The following STPG2 variants were observed in gnomAD, a reference collection of about 807,000 sequenced individuals.
The protein encoded by STPG2 is sperm tail PG-rich repeat containing 2.
In STPG2, 56 loss-of-function variants were observed where a neutral mutation model predicts 54.2. That is an observed-to-expected ratio of 1.03 (90% CI 0.83 to 1.29). The LOEUF (loss-of-function observed/expected upper bound fraction) is 1.29, where lower values mean the gene tolerates loss of function less well. Ranked by LOEUF, STPG2 falls within the 50% of genes most tolerant of loss-of-function variation. The pLI is 0.00. For synonymous variants in STPG2, 200 were observed against 181.8 expected (o/e 1.10, Z -0.81); for missense variants, 596 against 544.9 (o/e 1.09, Z -0.93).
chr4:97,736,307 T>C (rs1057196692), intron 9 of STPG2, among the ~76,000 whole-genome samples: 10 of 152,202 alleles, frequency 6.6e-5, no homozygotes, highest in African/African-American at 1.9e-4. Flanking sequence ...TTTCTGCATT[T>C]CCATCTGAGG....
chr4:97,859,774 A>T (rs1254542315), intron 8 of STPG2, among the ~76,000 whole-genome samples: 3 of 152,076 alleles, frequency 2.0e-5, no homozygotes, highest in African/African-American at 7.2e-5. Context: ...TTAGCTTTTG[A>T]GTCCTTGGTC....
At chr4:97,725,564 T>C (rs1196795474) in intron 9 of STPG2, among the ~76,000 whole-genome samples, 2 of 151,724 alleles carry the variant, frequency 1.3e-5, no homozygotes, top group Non-Finnish European at 2.9e-5. Flanking sequence ...TAACTGTTGG[T>C]ATAGAAAATT....
At chr4:97,965,703 C>T (rs960911213) in intron 7 of STPG2, among the ~76,000 whole-genome samples, 2 of 152,228 alleles carry the variant, frequency 1.3e-5, no homozygotes, top group South Asian at 2.1e-4. Flanking sequence ...GCAGTCTCCG[C>T]TGGTGATAAC....
chr4:97,963,075 C>A (rs1014947284), intron 7 of STPG2, among the ~76,000 whole-genome samples: 133 of 152,138 alleles, frequency 8.7e-4, no homozygotes, highest in Non-Finnish European at 1.3e-4. Context: ...AGGAGAAATG[C>A]TTGAACCCGG....
intron 9 of STPG2, among the ~76,000 whole-genome samples, chr4:97,790,465 G>C (rs901686048): frequency 2.0e-5 from 3 of 152,112 alleles, no homozygotes; most frequent in Non-Finnish European, 4.4e-5. Context: ...GCAGGTCTTT[G>C]TTCCTTTTCT....
At chr4:98,055,517 G>A (rs1187658289) in intron 5 of STPG2, among the ~76,000 whole-genome samples, 1 of 152,136 alleles carries the variant, frequency 6.6e-6, no homozygotes, top group Non-Finnish European at 1.5e-5. Flanking sequence ...CTGGCAAGGA[G>A]CAACCCACTC....
chr4:97,881,383 G>T (rs1730369236), intron 8 of STPG2, among the ~76,000 whole-genome samples: 3 of 151,932 alleles, frequency 2.0e-5, no homozygotes, highest in African/African-American at 7.3e-5. Context: ...TCTCTAAAAT[G>T]CTGTTATTTT....
At chr4:97,954,370 G>C (rs543352895) in intron 7 of STPG2, among the ~76,000 whole-genome samples, 3 of 152,282 alleles carry the variant, frequency 2.0e-5, no homozygotes, top group East Asian at 1.9e-4. Context: ...GTAAAAATTT[G>C]AGATTAGCCT....
intron 9 of STPG2, among the ~76,000 whole-genome samples, chr4:97,792,222 T>C (rs1489229851): frequency 1.3e-5 from 2 of 152,150 alleles, no homozygotes; most frequent in African/African-American, 4.8e-5. Flanking sequence ...TACTATATAG[T>C]TCTAGCTATC....
intron 4 of STPG2, among the ~76,000 whole-genome samples, chr4:97,531,987 T>C (rs75300285): frequency 2.3e-3 from 351 of 152,244 alleles, no homozygotes; most frequent in Non-Finnish European, 3.9e-3. Flanking sequence ...TCCATAAATA[T>C]AAACACCTAC....
At chr4:98,118,667 T>G (rs1739589219) in intron 3 of STPG2, among the ~76,000 whole-genome samples, 1 of 152,116 alleles carries the variant, frequency 6.6e-6, no homozygotes, top group Non-Finnish European at 1.5e-5. Context: ...TGAAATACAT[T>G]CTGCTGCTAT....
chr4:97,985,745 T>A (rs1287540747), intron 5 of STPG2, among the ~76,000 whole-genome samples: 1 of 152,202 alleles, frequency 6.6e-6, no homozygotes, highest in Non-Finnish European at 1.5e-5. Flanking sequence ...CAAATTGATA[T>A]CATATTCTTT....
intron 10 of STPG2, among the ~76,000 whole-genome samples, chr4:97,670,745 A>T (rs1046588652): frequency 2.0e-5 from 3 of 152,188 alleles, no homozygotes; most frequent in African/African-American, 7.2e-5. Context: ...CATTACCAAG[A>T]TAGCTTAGAT....
intron 5 of STPG2, among the ~76,000 whole-genome samples, chr4:98,064,310 G>A (rs942515837): frequency 6.6e-6 from 1 of 152,120 alleles, no homozygotes; most frequent in African/African-American, 2.4e-5. Flanking sequence ...TGACATTCTT[G>A]TTATCGCTAC....
intron 4 of STPG2, among the ~76,000 whole-genome samples, chr4:97,539,668 G>T (rs1247713236): frequency 6.6e-6 from 1 of 152,154 alleles, no homozygotes; most frequent in African/African-American, 2.4e-5. Context: ...TCCAGGAATT[G>T]AACTCAGCTC....
intron 4 of STPG2, among the ~76,000 whole-genome samples, chr4:97,552,429 T>C (rs978756563): frequency 1.1e-4 from 16 of 152,102 alleles, no homozygotes; most frequent in Non-Finnish European, 4.4e-5. Flanking sequence ...TTTTTCTAGC[T>C]AATTGGTGCT....
chr4:97,546,489 G>A (rs1731836211), intron 4 of STPG2, among the ~76,000 whole-genome samples: 1 of 152,048 alleles, frequency 6.6e-6, no homozygotes, highest in African/African-American at 2.4e-5. Context: ...TATAGTGATA[G>A]CTGAAGATGC....
chr4:98,024,830 T>C (rs1425299673), intron 5 of STPG2, among the ~76,000 whole-genome samples: 1 of 152,214 alleles, frequency 6.6e-6, no homozygotes, highest in Non-Finnish European at 1.5e-5. Context: ...TGGCCACAAA[T>C]ATCAACAAAC....
At chr4:97,711,929 A>G (rs1375678860) in intron 10 of STPG2, among the ~76,000 whole-genome samples, 1 of 152,004 alleles carries the variant, frequency 6.6e-6, no homozygotes, top group Non-Finnish European at 1.5e-5. Flanking sequence ...TCAGCTTCCC[A>G]AAGTGCTGGG....
Sources: gnomAD v4.1 joint callset for allele counts (sites outside exome capture counted in the v4.1 genomes callset) on GRCh38, gnomAD v4.1.1 for gene constraint, MANE v1.5 for transcripts, NCBI Gene and HGNC (gene_info 2026-07-23, HGNC 2026-07-21) for gene names.